YBEY: variants seen among roughly 807,000 people sequenced by gnomAD.
YBEY encodes the protein endoribonuclease YbeY.
Under a neutral mutation model 13.5 loss-of-function variants are expected in YBEY, and 15 were observed. The observed-to-expected ratio is 1.11, with a 90% confidence interval of 0.75 to 1.72. YBEY has a LOEUF of 1.72. YBEY is among the 40% of genes most tolerant of loss of function. YBEY has a pLI of 0.00. For missense variants in YBEY, 244 were observed against 208.4 expected (o/e 1.17, Z -1.05); for synonymous variants, 101 against 83.1 (o/e 1.21, Z -1.17).
At chr21:46,294,611 TCAG>T (rs2081882323) in intron 3 of YBEY, among the ~76,000 whole-genome samples, 1 of 92,934 alleles carries the variant, frequency 1.1e-5, no homozygotes, top group East Asian at 3.1e-4. Context: ...TGCCCGGGAC[TCAG>T]TGGGGACAGC....
the YBEY span, chr21:46,312,920 T>C: frequency 1.2e-6 from 1 of 860,888 alleles, no homozygotes; most frequent in Non-Finnish European, 1.4e-6. Context: ...GTCATGAAAA[T>C]GAACTTTGGT....
At chr21:46,308,366 CAGG>C in the YBEY span, among the ~76,000 whole-genome samples, 1 of 151,976 alleles carries the variant, frequency 6.6e-6, no homozygotes, top group South Asian at 2.1e-4. Flanking sequence ...GAGGCTGAGG[CAGG>C]AGAATTGTTT....
intron 3 of YBEY, 125 bp downstream of exon 3, chr21:46,291,587 C>A: frequency 1.3e-6 from 2 of 1,504,308 alleles, no homozygotes; most frequent in Middle Eastern, 1.8e-4. Context: ...GGGGAAGAAC[C>A]TGTAAGCAGG....
At chr21:46,288,047 G>C (rs115005191) in intron 2 of YBEY, among the ~76,000 whole-genome samples, 1 of 151,832 alleles carries the variant, frequency 6.6e-6, no homozygotes, top group Non-Finnish European at 1.5e-5. Context: ...GGTGACTAGC[G>C]TCCACCCCCC....
intron 2 of YBEY, among the ~76,000 whole-genome samples, chr21:46,287,785 G>A (rs935850783): frequency 1.2e-4 from 18 of 152,114 alleles, no homozygotes; most frequent in Non-Finnish European, 2.4e-4. Context: ...GAGGTCAGGA[G>A]TTCGAGATCA....
the YBEY span, among the ~76,000 whole-genome samples, chr21:46,309,387 G>A: frequency 1.3e-5 from 2 of 151,594 alleles, no homozygotes; most frequent in African/African-American, 2.4e-5. Context: ...GCTTGAACCC[G>A]GTGGGCAGAG....
intron 4 of YBEY, among the ~76,000 whole-genome samples, chr21:46,296,747 C>T (rs2081966072): frequency 6.6e-6 from 1 of 152,018 alleles, no homozygotes; most frequent in African/African-American, 2.4e-5. Flanking sequence ...GTAATCCCAG[C>T]ACTTTGGGAG....
At chr21:46,301,993 T>G, downstream of YBEY, 1 of 1,522,384 alleles carries the variant, frequency 6.6e-7, no homozygotes, top group Non-Finnish European at 8.8e-7. Flanking sequence ...TCTCTGTGAC[T>G]CACACTCAGG....
chr21:46,288,677 C>CAAAAAG (rs1421379942), intron 2 of YBEY, among the ~76,000 whole-genome samples: 1 of 115,018 alleles, frequency 8.7e-6, no homozygotes, highest in Non-Finnish European at 1.9e-5. Context: ...GACTCCGTCT[C>CAAAAAG]AAAAAGAAAA....
the YBEY span, among the ~76,000 whole-genome samples, chr21:46,307,845 C>A: frequency 1.3e-5 from 2 of 152,170 alleles, no homozygotes; most frequent in South Asian, 4.1e-4. Flanking sequence ...ATCAAAGCCA[C>A]AATCAACCAC....
intron 4 of YBEY, 48 bp from the exon 5 acceptor site, chr21:46,297,491 G>C (rs1393189893): frequency 7.5e-7 from 1 of 1,335,478 alleles, no homozygotes; most frequent in Admixed American, 3.7e-5. Context: ...AGAGAGTGGG[G>C]CGCGGACACC....
At chr21:46,305,799 G>A in the YBEY span, among the ~76,000 whole-genome samples, 37 of 151,986 alleles carry the variant, frequency 2.4e-4, no homozygotes, top group East Asian at 1.9e-3. Context: ...AAAATTAGCC[G>A]GGCCTGGTGG....
At chr21:46,301,533 G>T, downstream of YBEY, 1 of 986,654 alleles carries the variant, frequency 1.0e-6, no homozygotes, top group Non-Finnish European at 1.2e-6. Flanking sequence ...CCATCAGGAT[G>T]TTCACACTTC....
the YBEY span, among the ~76,000 whole-genome samples, chr21:46,302,772 C>G: frequency 9.2e-6 from 1 of 108,290 alleles, no homozygotes; most frequent in African/African-American, 3.6e-5. Context: ...GTGCGGGTCC[C>G]CGGGGCGCGC....
At chr21:46,303,743 A>T in the YBEY span, among the ~76,000 whole-genome samples, 366 of 19,420 alleles carry the variant, frequency 0.019, 2 homozygotes, top group Non-Finnish European at 0.032. Flanking sequence ...ATATATATAT[A>T]TATTTTTTTT....
chr21:46,313,156 G>C, the YBEY span: 1 of 648,584 alleles, frequency 1.5e-6, no homozygotes. Flanking sequence ...ATTGCAGCAT[G>C]AAAGCAGCTA....
the YBEY span, among the ~76,000 whole-genome samples, chr21:46,304,387 T>C: frequency 6.6e-6 from 1 of 151,348 alleles, no homozygotes. Flanking sequence ...CTTGGGAGGC[T>C]GAGGTGGGAG....
chr21:46,294,586 G>A (rs2081880210), intron 3 of YBEY, among the ~76,000 whole-genome samples: 4 of 91,148 alleles, frequency 4.4e-5, no homozygotes, highest in African/African-American at 9.6e-5. Flanking sequence ...TTCCTCCCGC[G>A]GTTAGCCTGA....
At chr21:46,292,206 G>C (rs555777164) in intron 3 of YBEY, 2 of 152,392 alleles carry the variant, frequency 1.3e-5, no homozygotes, top group African/African-American at 4.8e-5. Flanking sequence ...TTCTTAGGTT[G>C]TACTATTGAC....
Sources: gnomAD v4.1 joint callset for allele counts (sites outside exome capture counted in the v4.1 genomes callset) on GRCh38, gnomAD v4.1.1 for gene constraint, MANE v1.5 for transcripts, NCBI Gene and HGNC (gene_info 2026-07-23, HGNC 2026-07-21) for gene names.